Variants in GRIN2A observed in about 807,000 individuals in gnomAD.
The protein encoded by GRIN2A is glutamate receptor ionotropic, NMDA 2A.
In GRIN2A, 22 loss-of-function variants were observed where a neutral mutation model predicts 113.4. The observed-to-expected ratio is 0.19, with a 90% CI of 0.14 to 0.28. The LOEUF (loss-of-function observed/expected upper bound fraction) is 0.28, where lower values mean the gene tolerates loss of function less well. Ranked by LOEUF, GRIN2A falls within the 10% of genes least tolerant of loss-of-function variation. The probability of loss-of-function intolerance (pLI) is 1.00; values close to 1 mark genes in which losing one functional copy is unlikely to be tolerated. For missense variants in GRIN2A, 1,502 were observed against 1,887.0 expected, an observed-to-expected ratio of 0.80 and a Z score of 3.78; for synonymous variants, 827 against 738.4, an observed-to-expected ratio of 1.12 and a Z score of -1.94.
At chr16:9,813,341 T>G (rs1212206830) in intron 10 of GRIN2A, among the ~76,000 whole-genome samples, 2 of 152,180 alleles carry the variant, frequency 1.3e-5, no homozygotes, top group African/African-American at 4.8e-5. Flanking sequence ...AATACAAGAA[T>G]GAAATGCAGG....
chr16:9,988,632 T>C (rs1002073344), intron 2 of GRIN2A, among the ~76,000 whole-genome samples: 2 of 151,936 alleles, frequency 1.3e-5, no homozygotes, highest in African/African-American at 2.4e-5. Flanking sequence ...CCAGGCTGAG[T>C]GATAGGTGCC....
At chr16:10,024,390 T>G (rs2046781994) in intron 2 of GRIN2A, among the ~76,000 whole-genome samples, 1 of 152,180 alleles carries the variant, frequency 6.6e-6, no homozygotes, top group Non-Finnish European at 1.5e-5. Context: ...ACCCAGCTAA[T>G]TTTATTTTTA....
chr16:9,877,016 C>T, intron 4 of GRIN2A, among the ~76,000 whole-genome samples: 1 of 152,196 alleles, frequency 6.6e-6, no homozygotes, highest in Admixed American at 6.5e-5. Context: ...TGAATCTCCA[C>T]AACCTATATG....
chr16:9,840,765 C>T lies in GRIN2A; in HGVS notation c.1533G>A (p.Ser511=), dbSNP rs112848130. 123 of 1,600,972 alleles carry T rather than the reference C, an allele frequency of 7.7e-5. No individual in the cohort carries two copies. Among genetic ancestry groups the T allele is most frequent in the African/African-American group, 4.1e-4 (29 of 70,004 alleles). Residue 511 remains serine (S), a synonymous_variant, in exon 7 of 13, where the codon TCG becomes TCA. Coordinates refer to ENST00000330684, the MANE Select transcript of GRIN2A (RefSeq NM_001134407.3). ...CAGAACGTTCCTCATTGATGGTGAG[C>T]GAGCCAACTGCCATGACTGCCCGTT... ...VYQRAVMAVG[S]LTINEERSEV...
intron 2 of GRIN2A, among the ~76,000 whole-genome samples, chr16:9,939,649 G>A (rs564349811): frequency 6.6e-6 from 1 of 152,218 alleles, no homozygotes; most frequent in Non-Finnish European, 1.5e-5. Context: ...TGCTGGCAGG[G>A]AAAACGAGGC....
chr16:9,940,511 A>G (rs868817048), intron 2 of GRIN2A, among the ~76,000 whole-genome samples: 4 of 152,294 alleles, frequency 2.6e-5, no homozygotes, highest in South Asian at 2.1e-4. Flanking sequence ...AAGGGCAGAG[A>G]TTTTTGTTGT....
intron 3 of GRIN2A, among the ~76,000 whole-genome samples, chr16:9,897,323 C>G (rs2043826623): frequency 6.6e-6 from 1 of 152,040 alleles, no homozygotes; most frequent in Non-Finnish European, 1.5e-5. Context: ...CATTCCTCTT[C>G]CCCTTGTGTT....
chr16:10,045,252 C>A (rs1317180700), intron 2 of GRIN2A, among the ~76,000 whole-genome samples: 2 of 152,166 alleles, frequency 1.3e-5, no homozygotes, highest in South Asian at 2.1e-4. Context: ...AACTGCCAAG[C>A]ACTATTGTTA....
chr16:9,829,441 G>A lies in GRIN2A; in HGVS notation c.1989C>T (p.Thr663=), dbSNP rs756105228. The change falls in exon 9 of 13, where the codon ACC becomes ACT. Residue 663 remains threonine, a synonymous_variant. Coordinates refer to ENST00000330684, the MANE Select transcript of GRIN2A (RefSeq NM_001134407.3). ...ACCTTACCTTTTTGTCACTGAGGCC[G>A]GTCACTTGGTCCACAAATTCCTCTT... ...MIQEEFVDQV[T]GLSDKKFQRP... 27 of 1,612,376 alleles carry A rather than the reference G, an allele frequency of 1.7e-5. No homozygotes were observed. Among genetic ancestry groups the A allele is most frequent in the East Asian group, 6.7e-5 (3 of 44,818 alleles).
chr16:9,987,032 C>G (rs368726844), intron 2 of GRIN2A, among the ~76,000 whole-genome samples: 1 of 152,054 alleles, frequency 6.6e-6, no homozygotes, highest in African/African-American at 2.4e-5. Context: ...ATATTCTGAA[C>G]CAGCATACTT....
At chr16:9,794,355 C>T (rs779219402) in intron 11 of GRIN2A, among the ~76,000 whole-genome samples, 12 of 152,190 alleles carry the variant, frequency 7.9e-5, no homozygotes, top group Non-Finnish European at 1.5e-4. Flanking sequence ...ACTGAAGCTA[C>T]TGTGTAACAA....
chr16:10,097,501 C>T (rs939791004), intron 2 of GRIN2A, among the ~76,000 whole-genome samples: 1 of 152,144 alleles, frequency 6.6e-6, no homozygotes, highest in Non-Finnish European at 1.5e-5. Context: ...ATTGGATCAG[C>T]AGTTTCATTA....
intron 10 of GRIN2A, among the ~76,000 whole-genome samples, chr16:9,801,126 A>G (rs1418588010): frequency 6.6e-6 from 1 of 152,162 alleles, no homozygotes; most frequent in Non-Finnish European, 1.5e-5. Context: ...AGATTGTGTG[A>G]GCCAACAGTC....
At chr16:9,778,128 G>C (rs1042507029) in intron 11 of GRIN2A, among the ~76,000 whole-genome samples, 7 of 152,118 alleles carry the variant, frequency 4.6e-5, no homozygotes. Flanking sequence ...GTCTCTTTCA[G>C]AAGAAAAATT....
intron 2 of GRIN2A, among the ~76,000 whole-genome samples, chr16:10,179,190 TG>T (rs2050210209): frequency 6.6e-6 from 1 of 152,222 alleles, no homozygotes; most frequent in African/African-American, 2.4e-5. Context: ...AACTGATTTT[TG>T]TACACTCTTT....
intron 5 of GRIN2A, among the ~76,000 whole-genome samples, chr16:9,844,860 T>C (rs1185600827): frequency 6.6e-6 from 1 of 152,194 alleles, no homozygotes; most frequent in Non-Finnish European, 1.5e-5. Flanking sequence ...TGCATGTCTT[T>C]ATCACCCAAC....
At chr16:10,147,772 G>A (rs574260479) in intron 2 of GRIN2A, among the ~76,000 whole-genome samples, 16 of 152,080 alleles carry the variant, frequency 1.1e-4, no homozygotes, top group African/African-American at 3.4e-4. Flanking sequence ...ATGTGACCTC[G>A]TGTCCCTCTG....
At chr16:9,785,494 A>T (rs1416021070) in intron 11 of GRIN2A, among the ~76,000 whole-genome samples, 2 of 151,716 alleles carry the variant, frequency 1.3e-5, no homozygotes, top group East Asian at 3.9e-4. Flanking sequence ...ATGTTAAATG[A>T]CGAGTTAATG....
chr16:10,161,891 C>T (rs1376509502), intron 2 of GRIN2A, among the ~76,000 whole-genome samples: 1 of 152,186 alleles, frequency 6.6e-6, no homozygotes, highest in Non-Finnish European at 1.5e-5. Flanking sequence ...CTGACTCTCA[C>T]CTCCCTGCCT....
Sources: allele counts gnomAD v4.1 joint callset (sites outside exome capture counted in the v4.1 genomes callset), GRCh38; gene constraint gnomAD v4.1.1; transcripts MANE v1.5; gene names NCBI Gene and HGNC (gene_info 2026-07-23, HGNC 2026-07-21).